Variants in DPP10 observed in about 807,000 individuals in gnomAD.
DPP10 encodes the protein dipeptidyl peptidase like 10.
DPP10 carries 33 observed loss-of-function variants against 120.9 expected under a neutral mutation model. The observed-to-expected ratio is 0.27, with a 90% CI of 0.21 to 0.37. The LOEUF (loss-of-function observed/expected upper bound fraction) is 0.37, where lower values mean the gene tolerates loss of function less well. Ranked by LOEUF, DPP10 falls within the 10% of genes least tolerant of loss-of-function variation. The pLI is 1.00. For synonymous variants in DPP10, 337 were observed against 326.1 expected, an observed-to-expected ratio of 1.03 and a Z score of -0.36; for missense variants, 816 against 942.8, an observed-to-expected ratio of 0.87 and a Z score of 1.76.
At chr2:114,929,059 A>G (rs1359608802) in intron 1 of DPP10, among the ~76,000 whole-genome samples, 1 of 152,202 alleles carries the variant, frequency 6.6e-6, no homozygotes, top group Non-Finnish European at 1.5e-5. Context: ...CAGGGGTAAC[A>G]TCACCTATTG....
At chr2:115,321,762 C>G (rs1024447702) in intron 2 of DPP10, among the ~76,000 whole-genome samples, 1 of 151,772 alleles carries the variant, frequency 6.6e-6, no homozygotes, top group African/African-American at 2.4e-5. Context: ...TTTAATTGAT[C>G]TATTATTATT....
intron 2 of DPP10, among the ~76,000 whole-genome samples, chr2:115,336,878 A>C (rs1314752845): frequency 1.3e-5 from 2 of 151,998 alleles, no homozygotes; most frequent in Non-Finnish European, 2.9e-5. Flanking sequence ...GATTGAGATG[A>C]ATGATTGATA....
chr2:115,779,487 C>T (rs1456972105), intron 15 of DPP10, among the ~76,000 whole-genome samples: 1 of 152,026 alleles, frequency 6.6e-6, no homozygotes, highest in Non-Finnish European at 1.5e-5. Flanking sequence ...TTGTTACTTT[C>T]TTTGTCTCAA....
intron 1 of DPP10, among the ~76,000 whole-genome samples, chr2:115,255,751 T>C (rs2058956878): frequency 1.3e-5 from 2 of 152,210 alleles, no homozygotes; most frequent in Admixed American, 1.3e-4. Flanking sequence ...TGCTTCCGTT[T>C]CCAACAAGTT....
chr2:114,444,131 C>A (rs972661512), intron 1 of DPP10, among the ~76,000 whole-genome samples: 4 of 152,152 alleles, frequency 2.6e-5, no homozygotes, highest in African/African-American at 9.7e-5. Context: ...TACACCACCT[C>A]TAATAACAGA....
At chr2:114,928,832 A>G (rs1406701783) in intron 1 of DPP10, among the ~76,000 whole-genome samples, 1 of 152,154 alleles carries the variant, frequency 6.6e-6, no homozygotes. Flanking sequence ...CACGAGGTGT[A>G]TGCTTCCAAG....
intron 1 of DPP10, among the ~76,000 whole-genome samples, chr2:114,628,329 A>G (rs1370242379): frequency 1.3e-5 from 2 of 152,178 alleles, no homozygotes; most frequent in Non-Finnish European, 2.9e-5. Flanking sequence ...TATATTTTGA[A>G]TCAGACATCC....
intron 1 of DPP10, among the ~76,000 whole-genome samples, chr2:114,800,679 A>G (rs753357402): frequency 1.1e-4 from 17 of 152,286 alleles, no homozygotes; most frequent in Middle Eastern, 3.4e-3. Flanking sequence ...TATCCTCATG[A>G]TGTTTAGAGG....
chr2:115,631,620 TCA>T (rs1462707024), intron 5 of DPP10, among the ~76,000 whole-genome samples: 2 of 152,224 alleles, frequency 1.3e-5, no homozygotes, highest in African/African-American at 2.4e-5. Flanking sequence ...CTCTTTGTTC[TCA>T]TTGGTTTCAA....
intron 1 of DPP10, among the ~76,000 whole-genome samples, chr2:114,653,021 A>AGT (rs1274429983): frequency 1.8e-5 from 2 of 111,048 alleles, no homozygotes; most frequent in Admixed American, 9.3e-5. Flanking sequence ...AGAGAGAGAG[A>AGT]GAGAGAGTGT....
intron 24 of DPP10, among the ~76,000 whole-genome samples, chr2:115,838,924 A>G (rs927722096): frequency 1.3e-5 from 2 of 152,208 alleles, no homozygotes; most frequent in Non-Finnish European, 2.9e-5. Context: ...TTACCAGCAA[A>G]TGAATTCAAT....
At chr2:115,161,867 G>C in intron 1 of DPP10, 1 of 1,185,578 alleles carries the variant, frequency 8.4e-7, no homozygotes, top group Non-Finnish European at 1.1e-6. Context: ...CGGGAGCGAC[G>C]GGCGCCCGTG....
intron 1 of DPP10, among the ~76,000 whole-genome samples, chr2:114,681,906 A>G (rs1699052955): frequency 6.6e-6 from 1 of 152,034 alleles, no homozygotes; most frequent in Non-Finnish European, 1.5e-5. Context: ...TGGTGCTACA[A>G]TGCTTAGGAA....
At chr2:115,634,605 C>A (rs2086167102) in intron 5 of DPP10, among the ~76,000 whole-genome samples, 1 of 152,220 alleles carries the variant, frequency 6.6e-6, no homozygotes, top group East Asian at 1.9e-4. Flanking sequence ...GATCTCTGTA[C>A]CAGAGGGGCA....
intron 3 of DPP10, among the ~76,000 whole-genome samples, chr2:115,455,108 G>A (rs1416622445): frequency 1.3e-5 from 2 of 151,002 alleles, no homozygotes; most frequent in African/African-American, 2.4e-5. Context: ...AAATAAAAAA[G>A]ATTAAAAAAT....
chr2:115,658,755 A>C (rs999082270), intron 5 of DPP10, among the ~76,000 whole-genome samples: 1 of 152,160 alleles, frequency 6.6e-6, no homozygotes, highest in Non-Finnish European at 1.5e-5. Flanking sequence ...ACAATACATG[A>C]TAGTCTAAAG....
At chr2:114,874,523 A>G (rs1690986362) in intron 1 of DPP10, among the ~76,000 whole-genome samples, 1 of 151,750 alleles carries the variant, frequency 6.6e-6, no homozygotes, top group South Asian at 2.1e-4. Context: ...GTCTACCATC[A>G]CCCACAGATG....
chr2:115,010,535 T>C (rs1165912100), intron 1 of DPP10, among the ~76,000 whole-genome samples: 1 of 152,182 alleles, frequency 6.6e-6, no homozygotes, highest in Non-Finnish European at 1.5e-5. Context: ...AATTGAGATA[T>C]ATATATGTAT....
intron 19 of DPP10, among the ~76,000 whole-genome samples, chr2:115,806,259 A>G (rs1478536118): frequency 6.6e-6 from 1 of 152,180 alleles, no homozygotes; most frequent in East Asian, 1.9e-4. Context: ...ATAAGTGAAT[A>G]TTTTGTTGAG....
Sources: allele counts gnomAD v4.1 joint callset (sites outside exome capture counted in the v4.1 genomes callset), GRCh38; gene constraint gnomAD v4.1.1; transcripts MANE v1.5; gene names NCBI Gene and HGNC (gene_info 2026-07-23, HGNC 2026-07-21).